Variants in CCDC178 observed in about 807,000 individuals in gnomAD.
CCDC178 encodes the protein coiled-coil domain containing 178, also known as coiled-coil domain-containing protein 178.
CCDC178 carries 126 observed loss-of-function variants against 117.4 expected under a neutral mutation model. That is an observed-to-expected ratio of 1.07 (90% CI 0.93 to 1.24). The LOEUF (loss-of-function observed/expected upper bound fraction) is 1.24, where lower values mean the gene tolerates loss of function less well. Ranked by LOEUF, CCDC178 falls within the 50% of genes most tolerant of loss-of-function variation. The pLI is 0.00. For missense variants in CCDC178, 1,030 were observed against 986.9 expected (o/e 1.04, Z -0.59); for synonymous variants, 283 against 313.4 (o/e 0.90, Z 1.02).
chr18:33,383,254 G>A (rs373518784), intron 5 of CCDC178, among the ~76,000 whole-genome samples: 29 of 152,218 alleles, frequency 1.9e-4, no homozygotes, highest in African/African-American at 7.0e-4. Context: ...TTGGGGAAGG[G>A]GTGGCTGTGG....
At chr18:33,258,467 T>A (rs2059705521) in intron 14 of CCDC178, among the ~76,000 whole-genome samples, 1 of 152,168 alleles carries the variant, frequency 6.6e-6, no homozygotes, top group East Asian at 1.9e-4. Context: ...CACCGAATAT[T>A]CTTGCTAAAG....
At chr18:33,173,231 G>A (rs905543407) in intron 20 of CCDC178, among the ~76,000 whole-genome samples, 1 of 152,028 alleles carries the variant, frequency 6.6e-6, no homozygotes, top group Admixed American at 6.6e-5. Flanking sequence ...TGTATTTTTA[G>A]TAGAAACGGG....
At chr18:32,983,999 T>G (rs993135310) in intron 21 of CCDC178, among the ~76,000 whole-genome samples, 1 of 152,042 alleles carries the variant, frequency 6.6e-6, no homozygotes, top group Admixed American at 6.6e-5. Context: ...AAGCTATACA[T>G]GTACAATATA....
chr18:33,139,726 T>A (rs1275903722), intron 20 of CCDC178, among the ~76,000 whole-genome samples: 2 of 152,064 alleles, frequency 1.3e-5, no homozygotes, highest in African/African-American at 2.4e-5. Context: ...AGCATAACAG[T>A]TTGGAAAAGT....
chr18:33,295,937 A>G (rs921921257), intron 11 of CCDC178, among the ~76,000 whole-genome samples: 6 of 152,188 alleles, frequency 3.9e-5, no homozygotes, highest in African/African-American at 1.4e-4. Context: ...TTTGATATTT[A>G]TCCGAGAGAA....
chr18:33,070,664 T>C (rs1397550516), intron 21 of CCDC178, among the ~76,000 whole-genome samples: 1 of 151,858 alleles, frequency 6.6e-6, no homozygotes, highest in Non-Finnish European at 1.5e-5. Flanking sequence ...GAGAGAAGAC[T>C]TGAAATGGTC....
At chr18:33,272,495 T>C (rs1455406739) in intron 12 of CCDC178, among the ~76,000 whole-genome samples, 1 of 151,632 alleles carries the variant, frequency 6.6e-6, no homozygotes, top group South Asian at 2.1e-4. Context: ...ACATGGGTCT[T>C]TCACAAAATC....
chr18:33,192,251 G>T (rs1427676361), intron 20 of CCDC178, among the ~76,000 whole-genome samples: 1 of 152,072 alleles, frequency 6.6e-6, no homozygotes, highest in Non-Finnish European at 1.5e-5. Flanking sequence ...AATATAGTAT[G>T]AATTCAATAA....
At chr18:32,998,279 AC>A (rs1001322943) in intron 21 of CCDC178, among the ~76,000 whole-genome samples, 1 of 152,142 alleles carries the variant, frequency 6.6e-6, no homozygotes, top group Non-Finnish European at 1.5e-5. Context: ...GAGCATTTAG[AC>A]CAGCCCTAGC....
intron 14 of CCDC178, among the ~76,000 whole-genome samples, chr18:33,245,704 C>T (rs1445445050): frequency 6.6e-6 from 1 of 151,908 alleles, no homozygotes; most frequent in Non-Finnish European, 1.5e-5. Context: ...GCTTTTTGAA[C>T]ATTCAAAATC....
chr18:32,966,592 C>T (rs2054818359), intron 22 of CCDC178, among the ~76,000 whole-genome samples: 1 of 151,842 alleles, frequency 6.6e-6, no homozygotes, highest in South Asian at 2.1e-4. Context: ...CTCACCCCAA[C>T]CCAGCAACAA....
chr18:33,418,687 A>G (rs2063981897), intron 2 of CCDC178, among the ~76,000 whole-genome samples: 2 of 152,188 alleles, frequency 1.3e-5, no homozygotes, highest in Non-Finnish European at 2.9e-5. Context: ...TAGCATGTCT[A>G]TACACCAACA....
chr18:33,327,418 C>A (rs1194219227), intron 10 of CCDC178, among the ~76,000 whole-genome samples: 1 of 151,886 alleles, frequency 6.6e-6, no homozygotes, highest in Non-Finnish European at 1.5e-5. Flanking sequence ...CAAGTTTTTG[C>A]TTTTCTTTTT....
intron 22 of CCDC178, 134 bp downstream of exon 22, chr18:32,974,413 T>A: frequency 1.3e-6 from 1 of 755,658 alleles, no homozygotes; most frequent in East Asian, 2.6e-5. Context: ...CTTCATGCAA[T>A]TCCAGTTTAT....
intron 21 of CCDC178, among the ~76,000 whole-genome samples, chr18:33,023,573 T>A (rs1356788012): frequency 6.6e-6 from 1 of 152,140 alleles, no homozygotes; most frequent in Non-Finnish European, 1.5e-5. Context: ...TCTAAGGCAG[T>A]GTGCTGAGAG....
intron 20 of CCDC178, among the ~76,000 whole-genome samples, chr18:33,142,889 T>C (rs1285706072): frequency 6.6e-6 from 1 of 152,202 alleles, no homozygotes; most frequent in Non-Finnish European, 1.5e-5. Context: ...CCTTATCCCC[T>C]GAGCTGCTTG....
intron 2 of CCDC178, among the ~76,000 whole-genome samples, chr18:33,430,715 G>C (rs1208684800): frequency 1.3e-5 from 2 of 152,098 alleles, no homozygotes; most frequent in Non-Finnish European, 2.9e-5. Flanking sequence ...TGTGATGTTG[G>C]ACTTTTGCAA....
At chr18:33,127,537 G>A (rs1254160844) in intron 20 of CCDC178, among the ~76,000 whole-genome samples, 2 of 152,128 alleles carry the variant, frequency 1.3e-5, no homozygotes, top group Non-Finnish European at 2.9e-5. Flanking sequence ...CCTGGTTCAA[G>A]CAATTCTCCT....
At chr18:33,026,611 AAAC>A (rs1237747258) in intron 21 of CCDC178, among the ~76,000 whole-genome samples, 1 of 152,012 alleles carries the variant, frequency 6.6e-6, no homozygotes, top group African/African-American at 2.4e-5. Context: ...AAAATCTTAA[AAAC>A]AGCCAGAAGA....
Sources: allele counts gnomAD v4.1 joint callset (sites outside exome capture counted in the v4.1 genomes callset), GRCh38; gene constraint gnomAD v4.1.1; transcripts MANE v1.5; gene names NCBI Gene and HGNC (gene_info 2026-07-23, HGNC 2026-07-21).